The following L3MBTL4 variants were observed in gnomAD, a reference collection of about 807,000 sequenced individuals.
The protein encoded by L3MBTL4 is lethal(3)malignant brain tumor-like protein 4.
Under a neutral mutation model 84.5 loss-of-function variants are expected in L3MBTL4, and 70 were observed. That is an observed-to-expected ratio of 0.83 (90% CI 0.68 to 1.01). The LOEUF (loss-of-function observed/expected upper bound fraction) is 1.01, where lower values mean the gene tolerates loss of function less well. Among genes scored for constraint, L3MBTL4 ranks in the 50% least tolerant of loss-of-function variants. L3MBTL4 has a pLI of 0.00. For missense variants in L3MBTL4, 715 were observed against 754.8 expected (o/e 0.95, Z 0.62); for synonymous variants, 274 against 259.8 (o/e 1.05, Z -0.52).
intron 12 of L3MBTL4, among the ~76,000 whole-genome samples, chr18:6,181,331 T>G (rs968375298): frequency 2.0e-5 from 3 of 152,016 alleles, no homozygotes; most frequent in African/African-American, 7.2e-5. Flanking sequence ...TCTTCTTTTT[T>G]TTTGTTTTTT....
chr18:5,997,578 C>T (rs1333198889), intron 16 of L3MBTL4, among the ~76,000 whole-genome samples: 1 of 152,154 alleles, frequency 6.6e-6, no homozygotes, highest in Non-Finnish European at 1.5e-5. Context: ...AGAATGCAAC[C>T]ATTTGTCTCT....
chr18:6,354,238 GA>G (rs2053332217), intron 1 of L3MBTL4, among the ~76,000 whole-genome samples: 1 of 152,114 alleles, frequency 6.6e-6, no homozygotes, highest in African/African-American at 2.4e-5. Context: ...ATATGCAGAA[GA>G]ATGAAACTAG....
intron 16 of L3MBTL4, among the ~76,000 whole-genome samples, chr18:6,034,524 C>T (rs1289121419): frequency 5.3e-5 from 8 of 152,158 alleles, no homozygotes; most frequent in African/African-American, 1.9e-4. Context: ...ATATGTGCCA[C>T]ATTTTCTTAA....
At chr18:5,958,216 T>C (rs2095244471) in intron 18 of L3MBTL4, among the ~76,000 whole-genome samples, 2 of 151,972 alleles carry the variant, frequency 1.3e-5, no homozygotes, top group African/African-American at 4.8e-5. Flanking sequence ...GTAGTGTCAA[T>C]GTCTCACTGA....
Position 6,392,951 on chromosome 18 carries a change from A to C in L3MBTL4, c.-91+21850T>G, listed in dbSNP as rs550264574. ...GGAGAGTAGGAAGGAAATGAGAGAC[A>C]AAAAAAACTACATATCAGATACAAT... On this transcript the variant is annotated intron_variant, in intron 1 of 18. Coordinates refer to ENST00000317931, the MANE Select transcript of L3MBTL4 (RefSeq NM_001330559.2). 1.6e-4 allele frequency among the ~76,000 whole-genome samples: 24 copies of C among 151,940 alleles called. 1 individual carries two copies. In the South Asian group the frequency reaches 2.5e-3, roughly 16 times the overall value.
chr18:6,194,581 T>C (rs886406169), intron 12 of L3MBTL4, among the ~76,000 whole-genome samples: 2 of 152,160 alleles, frequency 1.3e-5, no homozygotes, highest in Admixed American at 6.5e-5. Context: ...TTCACTATTA[T>C]CCCAGCAGAA....
chr18:6,274,800 C>T (rs902430068), intron 4 of L3MBTL4, among the ~76,000 whole-genome samples: 3 of 152,104 alleles, frequency 2.0e-5, no homozygotes, highest in Middle Eastern at 3.2e-3. Flanking sequence ...GACGAGGTCT[C>T]GATTTGAGAT....
intron 16 of L3MBTL4, among the ~76,000 whole-genome samples, chr18:6,049,326 A>G (rs1271662209): frequency 2.0e-5 from 3 of 152,200 alleles, no homozygotes; most frequent in Non-Finnish European, 2.9e-5. Context: ...AATGGGAGAA[A>G]ATATTCTCAT....
intron 16 of L3MBTL4, among the ~76,000 whole-genome samples, chr18:6,049,691 A>G (rs746151300): frequency 3.0e-4 from 46 of 152,322 alleles, no homozygotes; most frequent in Admixed American, 5.9e-4. Flanking sequence ...TAAAGGTGGC[A>G]AAAATAGATA....
chr18:6,312,368 C>T (rs2050878086), intron 1 of L3MBTL4, among the ~76,000 whole-genome samples: 1 of 152,096 alleles, frequency 6.6e-6, no homozygotes, highest in Admixed American at 6.6e-5. Context: ...TTGATATTTC[C>T]ACCTGAACAA....
chr18:6,181,536 G>A (rs897933028), intron 12 of L3MBTL4, among the ~76,000 whole-genome samples: 2 of 151,858 alleles, frequency 1.3e-5, no homozygotes, highest in African/African-American at 4.8e-5. Context: ...CAACATGTTG[G>A]CCAGCCTGGT....
intron 16 of L3MBTL4, among the ~76,000 whole-genome samples, chr18:5,985,183 G>A (rs2053413666): frequency 1.3e-5 from 2 of 152,174 alleles, no homozygotes; most frequent in African/African-American, 4.8e-5. Context: ...ACACAAGCTG[G>A]GAAAGAAGTG....
chr18:6,373,305 C>G (rs1383367126), intron 1 of L3MBTL4, among the ~76,000 whole-genome samples: 1 of 152,148 alleles, frequency 6.6e-6, no homozygotes. Flanking sequence ...CAAACCTTCC[C>G]AAAGGGCAGT....
In L3MBTL4 at chr18:6,300,336, T is replaced by C. The variant is rs116920226; in HGVS notation, c.127+1567A>G. ...AACCTTTTCCTAAACATTTGTTATG[T>C]TCTACAGCTGGGGAAAACAGGAACA... On this transcript the variant is annotated intron_variant, in intron 4 of 18. Transcript: ENST00000317931. 5.0e-4 allele frequency among the ~76,000 whole-genome samples: 76 copies of C among 152,332 alleles called. No individual in the cohort carries two copies. In the East Asian group the frequency reaches 0.013, roughly 27 times the overall value.
At chr18:5,966,977 C>T (rs2052381969) in intron 17 of L3MBTL4, among the ~76,000 whole-genome samples, 2 of 152,214 alleles carry the variant, frequency 1.3e-5, no homozygotes, top group Non-Finnish European at 2.9e-5. Flanking sequence ...GGCAGTGCCC[C>T]ACCAAGGCCC....
chr18:6,271,998 A>G (rs751983350), intron 4 of L3MBTL4, among the ~76,000 whole-genome samples: 51 of 152,196 alleles, frequency 3.4e-4, no homozygotes, highest in Non-Finnish European at 5.4e-4. Context: ...GAAGTTTGCA[A>G]ATGAACTGGG....
chr18:6,016,970 G>C (rs2055015459), intron 16 of L3MBTL4, among the ~76,000 whole-genome samples: 1 of 151,916 alleles, frequency 6.6e-6, no homozygotes. Context: ...CGCCTCTCAG[G>C]GCAGAGCTGA....
At chr18:6,057,948 C>T (rs2057082730) in intron 16 of L3MBTL4, among the ~76,000 whole-genome samples, 1 of 152,146 alleles carries the variant, frequency 6.6e-6, no homozygotes, top group African/African-American at 2.4e-5. Context: ...CTCATAATAG[C>T]TATTCCTTTA....
At chr18:5,999,987 G>A (rs1460163168) in intron 16 of L3MBTL4, among the ~76,000 whole-genome samples, 2 of 152,150 alleles carry the variant, frequency 1.3e-5, no homozygotes, top group Non-Finnish European at 2.9e-5. Flanking sequence ...AGGCAAGAGA[G>A]AGAAACCTTT....
Sources: gnomAD v4.1 joint callset for allele counts (sites outside exome capture counted in the v4.1 genomes callset) on GRCh38, gnomAD v4.1.1 for gene constraint, MANE v1.5 for transcripts, NCBI Gene and HGNC (gene_info 2026-07-23, HGNC 2026-07-21) for gene names.